The following KIR2DL4 variants were observed in gnomAD, a reference collection of about 807,000 sequenced individuals.
The protein encoded by KIR2DL4 is killer cell immunoglobulin-like receptor 2DL4.
Under a neutral mutation model 31.0 loss-of-function variants are expected in KIR2DL4, and 41 were observed. The ratio of observed to expected loss-of-function variants is 1.32; its 90% CI spans 1.03 to 1.72. The LOEUF (loss-of-function observed/expected upper bound fraction) is 1.72, where lower values mean the gene tolerates loss of function less well. Ranked by LOEUF, KIR2DL4 falls within the 40% of genes most tolerant of loss-of-function variation. The pLI is 0.00. For synonymous variants in KIR2DL4, 164 were observed against 133.6 expected (o/e 1.23, Z -1.57); for missense variants, 438 against 353.7 (o/e 1.24, Z -1.91).
intron 5 of KIR2DL4, among the ~76,000 whole-genome samples, chr19:54,810,529 A>G (rs2060800040): frequency 6.7e-6 from 1 of 150,092 alleles, no homozygotes; most frequent in Non-Finnish European, 1.5e-5. Flanking sequence ...AAAAAAATAG[A>G]TCAACCCCTG....
intron 1 of KIR2DL4, 26 bp from the exon 2 acceptor site, chr19:54,803,865 T>A: frequency 6.2e-7 from 1 of 1,605,350 alleles, no homozygotes; most frequent in East Asian, 2.2e-5. Context: ...CCGAGATGAA[T>A]AGTTCATCAT....
chr19:54,808,368 A>T (rs2060651445), intron 4 of KIR2DL4, among the ~76,000 whole-genome samples: 1 of 151,128 alleles, frequency 6.6e-6, no homozygotes, highest in African/African-American at 2.4e-5. Context: ...TTTTCATCTG[A>T]TTTTTGTGTA....
At chr19:54,814,057 A>G in exon 8 of KIR2DL4, 1 of 1,612,228 alleles carries the variant, frequency 6.2e-7, no homozygotes, top group African/African-American at 1.3e-5. Context: ...GGGAGACAAC[A>G]GCCCTGTCTC....
intron 2 of KIR2DL4, 85 bp downstream of exon 2, chr19:54,804,011 G>GAC (rs2060341069): frequency 7.8e-7 from 1 of 1,287,628 alleles, no homozygotes; most frequent in Non-Finnish European, 1.1e-6. Context: ...CAGCACAGAG[G>GAC]GTGGGCTGAT....
At chr19:54,813,959 AGC>A in exon 8 of KIR2DL4, 1 of 1,612,386 alleles carries the variant, frequency 6.2e-7, no homozygotes, top group Non-Finnish European at 8.5e-7. Flanking sequence ...AACAGATACC[AGC>A]GTGTGTATAG....
At chr19:54,805,984 C>T (rs200485159) in exon 4 of KIR2DL4, 58,095 of 1,609,474 alleles carry the variant, frequency 0.036, 2,324 homozygotes, top group East Asian at 0.11. Flanking sequence ...ACAGCCCGGC[C>T]GGGCCCCACG....
chr19:54,811,936 A>G (rs1182215059), intron 5 of KIR2DL4, among the ~76,000 whole-genome samples: 1 of 151,418 alleles, frequency 6.6e-6, no homozygotes, highest in East Asian at 1.9e-4. Context: ...CACGAGCTTC[A>G]TCATTATTTC....
intron 5 of KIR2DL4, 143 bp downstream of exon 5, chr19:54,809,026 C>A: frequency 3.9e-6 from 3 of 765,126 alleles, no homozygotes; most frequent in South Asian, 2.9e-5. Context: ...ACTCCAACAG[C>A]GAAAGGGATC....
chr19:54,806,242 C>T (rs1437202834), exon 4 of KIR2DL4: 1 of 1,609,416 alleles, frequency 6.2e-7, no homozygotes, highest in Non-Finnish European at 8.5e-7. Flanking sequence ...GTTTCTGTCA[C>T]AGGTGAGGAA....
chr19:54,810,431 T>A lies in KIR2DL4; in HGVS notation c.706+1548T>A, dbSNP rs1402453197. ...CGTGAGCCAAGGCGCCGAGCCGTAT[T>A]TTAAAAGAAATAATAGATAATGCTG... On this transcript the variant is annotated intron_variant, in intron 5 of 7. Transcript: ENST00000359085. Among the ~76,000 whole-genome samples, 41 of 151,464 alleles carry A rather than the reference T, an allele frequency of 2.7e-4. 1 individual carries two copies. Among genetic ancestry groups the A allele is most frequent in the African/African-American group, 9.0e-4 (37 of 41,066 alleles).
At chr19:54,807,394 GA>G (rs2060592092) in intron 4 of KIR2DL4, among the ~76,000 whole-genome samples, 1 of 151,484 alleles carries the variant, frequency 6.6e-6, no homozygotes, top group African/African-American at 2.4e-5. Context: ...CCCACTAGTG[GA>G]ATTGCTAGAT....
At chr19:54,805,828 G>T in intron 3 of KIR2DL4, 123 bp from the exon 4 acceptor site, 1 of 923,892 alleles carries the variant, frequency 1.1e-6, no homozygotes, top group Non-Finnish European at 1.6e-6. Flanking sequence ...GTTGGGGGTG[G>T]AGGGTGAGAG....
intron 5 of KIR2DL4, among the ~76,000 whole-genome samples, chr19:54,809,179 G>A (rs1167181357): frequency 6.6e-6 from 1 of 150,900 alleles, no homozygotes; most frequent in Non-Finnish European, 1.5e-5. Flanking sequence ...TAACTGGGAG[G>A]ACAAATGCCT....
intron 3 of KIR2DL4, 118 bp from the exon 4 acceptor site, chr19:54,805,833 T>TGTGAGA: frequency 2.4e-6 from 2 of 831,066 alleles, no homozygotes; most frequent in South Asian, 1.8e-5. Context: ...GGGTGGAGGG[T>TGTGAGA]GAGAGAGAGA....
exon 3 of KIR2DL4, chr19:54,804,881 T>G: frequency 6.2e-7 from 1 of 1,612,278 alleles, no homozygotes; most frequent in Non-Finnish European, 8.5e-7. Context: ...ACTATCGTCG[T>G]GGGTTTAACA....
At chr19:54,806,271 G>T (rs1308524539) in intron 4 of KIR2DL4, 27 bp downstream of exon 4, 12 of 1,598,232 alleles carry the variant, frequency 7.5e-6, no homozygotes, top group Non-Finnish European at 9.4e-6. Flanking sequence ...TCTGTCCCAT[G>T]TCCTATGGTC....
intron 6 of KIR2DL4, among the ~76,000 whole-genome samples, chr19:54,813,470 T>C (rs1419059588): frequency 6.7e-6 from 1 of 150,338 alleles, no homozygotes; most frequent in Non-Finnish European, 1.5e-5. Flanking sequence ...GAAGATTCCA[T>C]GACAGGCAGA....
At chr19:54,811,140 T>G (rs1246201619) in intron 5 of KIR2DL4, among the ~76,000 whole-genome samples, 1 of 151,372 alleles carries the variant, frequency 6.6e-6, no homozygotes, top group Non-Finnish European at 1.5e-5. Flanking sequence ...GGCTCACACC[T>G]GTAACCCAAC....
At chr19:54,810,084 T>C (rs1476947107) in intron 5 of KIR2DL4, among the ~76,000 whole-genome samples, 1 of 149,378 alleles carries the variant, frequency 6.7e-6, no homozygotes, top group Non-Finnish European at 1.5e-5. Context: ...AAATGAATGA[T>C]CCATTGGGAA....
Sources: allele counts gnomAD v4.1 joint callset (sites outside exome capture counted in the v4.1 genomes callset), GRCh38; gene constraint gnomAD v4.1.1; transcripts MANE v1.5; gene names NCBI Gene and HGNC (gene_info 2026-07-23, HGNC 2026-07-21).